The following SHB variants were observed in gnomAD, a reference collection of about 807,000 sequenced individuals.
SHB encodes the protein SH2 domain-containing adapter protein B.
SHB carries 20 observed loss-of-function variants against 52.3 expected under a neutral mutation model. The observed-to-expected ratio is 0.38, with a 90% CI of 0.27 to 0.56. SHB has a LOEUF of 0.56. Ranked by LOEUF, SHB falls within the 20% of genes least tolerant of loss-of-function variation. SHB has a pLI of 0.71. For missense variants in SHB, 825 were observed against 723.3 expected (o/e 1.14, Z -1.61); for synonymous variants, 397 against 316.5 (o/e 1.25, Z -2.70).
rs141998476 is a variant in SHB, at chr9:38,032,828, C to T, written c.718-16697G>A. On this transcript the variant is annotated intron_variant, in intron 1 of 5. Transcript: ENST00000377707. Reference sequence around the variant, plus strand: ...TGAAGTTGTCCCCATGGAGAGGCCCCGGACCCCAACACCAAACCTCTGCAC... The same window carrying T: ...TGAAGTTGTCCCCATGGAGAGGCCCTGGACCCCAACACCAAACCTCTGCAC... 2.1e-3 allele frequency among the ~76,000 whole-genome samples: 323 copies of T among 152,294 alleles called. 5 individuals are homozygous for T. Among genetic ancestry groups the T allele is most frequent in the Admixed American group, 0.016 (245 of 15,300 alleles).
intron 2 of SHB, among the ~76,000 whole-genome samples, chr9:37,984,838 G>A (rs937994228): frequency 1.3e-5 from 2 of 152,112 alleles, no homozygotes; most frequent in African/African-American, 4.8e-5. Context: ...CCCTAACCAG[G>A]GTGCTTCAAC....
chr9:37,982,973 G>GCCCCCCCCCCC (rs58267859), intron 2 of SHB, among the ~76,000 whole-genome samples: 1 of 145,206 alleles, frequency 6.9e-6, no homozygotes, highest in African/African-American at 2.6e-5. Flanking sequence ...CCTCTCTGGT[G>GCCCCCCCCCCC]CCCCCCCCTC....
intron 1 of SHB, among the ~76,000 whole-genome samples, chr9:38,046,175 C>T (rs1261815266): frequency 6.6e-6 from 1 of 150,742 alleles, no homozygotes; most frequent in Admixed American, 6.6e-5. Flanking sequence ...TGCAGTGAGC[C>T]GAGATAAGAA....
intron 5 of SHB, among the ~76,000 whole-genome samples, chr9:37,933,353 C>T (rs1832334594): frequency 6.6e-6 from 1 of 152,218 alleles, no homozygotes; most frequent in South Asian, 2.1e-4. Flanking sequence ...TTGGTTTCCC[C>T]ATCTACATGA....
chr9:38,022,334 G>A (rs963444218), intron 1 of SHB, among the ~76,000 whole-genome samples: 1 of 152,172 alleles, frequency 6.6e-6, no homozygotes, highest in Non-Finnish European at 1.5e-5. Context: ...GCACAGATGC[G>A]ACGCGTCGAC....
chr9:37,995,968 C>T (rs1413318753), intron 2 of SHB, among the ~76,000 whole-genome samples: 1 of 152,174 alleles, frequency 6.6e-6, no homozygotes, highest in East Asian at 1.9e-4. Flanking sequence ...ATCATTGTTT[C>T]CTGGGGGTTT....
intron 3 of SHB, among the ~76,000 whole-genome samples, chr9:37,968,383 C>G (rs1820554774): frequency 6.6e-6 from 1 of 152,220 alleles, no homozygotes; most frequent in Non-Finnish European, 1.5e-5. Context: ...TTGGGACTGT[C>G]TGACTCATCC....
Position 38,063,871 on chromosome 9 carries a change from A to G in SHB, c.717+4058T>C, listed in dbSNP as rs1327428647. Among the ~76,000 whole-genome samples the G allele has an allele frequency of 2.6e-5, 4 of 151,480 alleles. No homozygotes were observed. The East Asian group carries it at 7.7e-4, about 29-fold the overall frequency. On this transcript the variant is annotated intron_variant, in intron 1 of 5. Transcript: ENST00000377707. ...CTATGGAAAAAGTGTTATTTAACTC[A>G]ACTCTGGATGCTGACAAAATATAAA...
At chr9:38,035,519 G>GA (rs11388441) in intron 1 of SHB, among the ~76,000 whole-genome samples, 1,995 of 152,166 alleles carry the variant, frequency 0.013, 43 homozygotes, top group African/African-American at 0.045. Flanking sequence ...GCTGCTCAGT[G>GA]AGAGAGGTTC....
intron 1 of SHB, among the ~76,000 whole-genome samples, chr9:38,054,339 C>T (rs1161329258): frequency 6.6e-6 from 1 of 152,246 alleles, no homozygotes; most frequent in Non-Finnish European, 1.5e-5. Context: ...GCAACCTCTG[C>T]TCCACTTGCT....
At chr9:37,922,199 T>G (rs1832189856) in intron 5 of SHB, among the ~76,000 whole-genome samples, 1 of 152,208 alleles carries the variant, frequency 6.6e-6, no homozygotes, top group Non-Finnish European at 1.5e-5. Flanking sequence ...TCTGCCAGTG[T>G]GCAGGTATGA....
intron 2 of SHB, among the ~76,000 whole-genome samples, chr9:37,983,090 C>T (rs892070547): frequency 6.6e-6 from 1 of 152,094 alleles, no homozygotes; most frequent in African/African-American, 2.4e-5. Flanking sequence ...CAGTCCTGGC[C>T]TTCATGAAGC....
Position 38,067,944 on chromosome 9 carries a change from G to C in SHB, c.702C>G (p.Ala234=). 3 of 1,539,960 alleles carry C rather than the reference G, an allele frequency of 1.9e-6. No homozygotes were observed. Among genetic ancestry groups the C allele is most frequent in the Non-Finnish European group, 1.7e-6 (2 of 1,153,782 alleles). Residue 234 remains alanine (A), a synonymous_variant, in exon 1 of 6, where the codon GCC becomes GCG. Coordinates refer to ENST00000377707, the MANE Select transcript of SHB (RefSeq NM_003028.3). Reference sequence around the variant, plus strand: ...GGCACCTTACCTTGTCCTTCTTGCCGGCCCCGCTCTCCTCCGCGGCTGAGG... The same window carrying C: ...GGCACCTTACCTTGTCCTTCTTGCCCGCCCCGCTCTCCTCCGCGGCTGAGG... The part of the protein sequence containing the change: ...CAASAAEESG[A]GKKDKVTIAD...
chr9:38,020,304 G>A (rs145443035), intron 1 of SHB, among the ~76,000 whole-genome samples: 137 of 152,336 alleles, frequency 9.0e-4, no homozygotes, highest in African/African-American at 3.2e-3. Flanking sequence ...GGCTTGGAAC[G>A]CTTGTTAAGG....
intron 2 of SHB, among the ~76,000 whole-genome samples, chr9:37,988,850 A>G (rs1468971570): frequency 6.6e-6 from 1 of 152,210 alleles, no homozygotes; most frequent in African/African-American, 2.4e-5. Context: ...AGAGAACTCT[A>G]CTGCCTGACT....
chr9:38,016,362 G>T (rs1188588843), intron 1 of SHB, among the ~76,000 whole-genome samples: 1 of 152,256 alleles, frequency 6.6e-6, no homozygotes, highest in Non-Finnish European at 1.5e-5. Context: ...TGCATGCCTG[G>T]CTGGCTCCAG....
At chr9:37,979,695 G>A (rs772767991) in intron 2 of SHB, among the ~76,000 whole-genome samples, 7 of 151,844 alleles carry the variant, frequency 4.6e-5, no homozygotes, top group Admixed American at 1.3e-4. Context: ...AGTGGTTCAT[G>A]CCTGTAACCC....
rs183673786 is a variant in SHB, at chr9:38,030,480, G to A, written c.718-14349C>T. On this transcript the variant is annotated intron_variant, in intron 1 of 5. Transcript: ENST00000377707. Reference sequence around the variant, plus strand: ...GGAAATGCTCTAAGTCAGGCATAACGGGGATTTTAAGAGGCCGGGCCCAAT... The same window carrying A: ...GGAAATGCTCTAAGTCAGGCATAACAGGGATTTTAAGAGGCCGGGCCCAAT... Among the ~76,000 whole-genome samples, 288 of 152,298 alleles carry A rather than the reference G, an allele frequency of 1.9e-3. 1 individual carries two copies. The highest frequency in any genetic ancestry group is 6.1e-3 in the African/African-American group (255 of 41,544).
At chr9:37,981,348 A>T (rs1820721807) in intron 2 of SHB, among the ~76,000 whole-genome samples, 1 of 152,138 alleles carries the variant, frequency 6.6e-6, no homozygotes, top group African/African-American at 2.4e-5. Context: ...TCTTTCCTTA[A>T]ACCTCAGAAA....
Sources: allele counts gnomAD v4.1 joint callset (sites outside exome capture counted in the v4.1 genomes callset), GRCh38; gene constraint gnomAD v4.1.1; transcripts MANE v1.5; gene names NCBI Gene and HGNC (gene_info 2026-07-23, HGNC 2026-07-21).